DNAH14: variants seen among roughly 807,000 people sequenced by gnomAD.
DNAH14 encodes the protein dynein axonemal heavy chain 14, also known as axonemal beta dynein heavy chain 14.
In DNAH14, 478 loss-of-function variants were observed where a neutral mutation model predicts 520.9. That is an observed-to-expected ratio of 0.92 (90% CI 0.85 to 0.99). The LOEUF (loss-of-function observed/expected upper bound fraction) is 0.99. Among genes scored for constraint, DNAH14 ranks in the 50% least tolerant of loss-of-function variants. DNAH14 has a pLI of 0.00. For synonymous variants in DNAH14, 1,581 were observed against 1,757.2 expected (o/e 0.90, Z 2.51); for missense variants, 4,831 against 5,234.5 (o/e 0.92, Z 2.38).
intron 42 of DNAH14, among the ~76,000 whole-genome samples, chr1:225,238,479 T>TA (rs2149615678): frequency 6.6e-6 from 1 of 152,288 alleles, no homozygotes; most frequent in East Asian, 1.9e-4. Flanking sequence ...GATGGTAGCC[T>TA]ACTCCTTCCT....
chr1:225,242,123 A>G lies in DNAH14; in HGVS notation c.6748+1301A>G, dbSNP rs758593643. On this transcript the variant is annotated intron_variant, in intron 43 of 85. Coordinates refer to ENST00000682510, the MANE Select transcript of DNAH14 (RefSeq NM_001367479.1). Reference sequence around the variant, plus strand: ...GTTGTATGCTCCTGTAGTTTCAGCTACTTGGAAGGCTGAGGTGAGAGGATC... The same window carrying G: ...GTTGTATGCTCCTGTAGTTTCAGCTGCTTGGAAGGCTGAGGTGAGAGGATC... Among the ~76,000 whole-genome samples, 5 of 152,250 alleles carry G rather than the reference A, an allele frequency of 3.3e-5. No homozygotes were observed. In the South Asian group the frequency reaches 1.0e-3, roughly 32 times the overall value.
At chr1:225,203,655 A>G (rs1246031737) in intron 38 of DNAH14, among the ~76,000 whole-genome samples, 1 of 152,220 alleles carries the variant, frequency 6.6e-6, no homozygotes, top group Non-Finnish European at 1.5e-5. Flanking sequence ...TGTAAAAATG[A>G]CATGTATTAG....
intron 53 of DNAH14, among the ~76,000 whole-genome samples, chr1:225,276,575 T>G (rs932755233): frequency 1.3e-5 from 2 of 152,050 alleles, no homozygotes; most frequent in African/African-American, 4.8e-5. Context: ...CTCCTACCAC[T>G]TATCCTACTT....
intron 41 of DNAH14, among the ~76,000 whole-genome samples, chr1:225,211,762 C>G (rs1339243468): frequency 6.6e-6 from 1 of 152,086 alleles, no homozygotes; most frequent in African/African-American, 2.4e-5. Flanking sequence ...GGGTTACCCA[C>G]AAAGGGAAGC....
At chr1:225,007,657 G>T in intron 10 of DNAH14, 113 bp downstream of exon 10, 1 of 889,916 alleles carries the variant, frequency 1.1e-6, no homozygotes, top group Non-Finnish European at 1.5e-6. Context: ...AGGAACAAAG[G>T]TGGTTAATTA....
intron 46 of DNAH14, among the ~76,000 whole-genome samples, chr1:225,263,594 C>T (rs1247927593): frequency 6.6e-6 from 1 of 151,950 alleles, no homozygotes; most frequent in Non-Finnish European, 1.5e-5. Context: ...GTCCAAGCCA[C>T]CATCATCTAT....
intron 8 of DNAH14, among the ~76,000 whole-genome samples, chr1:224,990,011 TGTTG>T (rs796779264): frequency 1.3e-5 from 2 of 151,046 alleles, no homozygotes; most frequent in Admixed American, 6.6e-5. Flanking sequence ...TGGTCTGTGT[TGTTG>T]TTTTTTTTTT....
chr1:225,104,411 G>C (rs538695122), intron 23 of DNAH14, among the ~76,000 whole-genome samples: 75 of 152,276 alleles, frequency 4.9e-4, no homozygotes, highest in African/African-American at 1.7e-3. Context: ...AAATGAGTTA[G>C]GGAGGATTCC....
chr1:225,346,479 T>C lies in DNAH14; in HGVS notation c.11121T>C (p.Asn3707=), dbSNP rs2095287930. ...IFKVVSSALF[N]EDKLCFSFRL... ...AGGTGGTTTCTTCAGCTCTATTTAA[T>C]GAAGATAAACTTTGCTTCTCTTTTC... Residue 3707 remains asparagine, a synonymous_variant, in exon 71 of 86, where the codon AAT becomes AAC. Coordinates refer to ENST00000682510, the MANE Select transcript of DNAH14 (RefSeq NM_001367479.1). The C allele has an allele frequency of 1.3e-6, 2 of 1,550,512 alleles. No individual in the cohort carries two copies. Among genetic ancestry groups the C allele is most frequent in the Non-Finnish European group, 1.7e-6 (2 of 1,146,672 alleles).
chr1:224,997,407 T>C (rs1358745415), intron 8 of DNAH14, among the ~76,000 whole-genome samples: 1 of 152,150 alleles, frequency 6.6e-6, no homozygotes, highest in Admixed American at 6.5e-5. Flanking sequence ...TGAGATAATT[T>C]CTCTTATCCT....
In DNAH14 at chr1:225,231,099, A is replaced by G. The variant is rs2091061583; in HGVS notation, c.6466A>G (p.Lys2156Glu). Residue 2156 changes from lysine to glutamate, a missense_variant, in exon 42 of 86, where the codon AAG (lysine) becomes GAG (glutamate). Coordinates refer to ENST00000682510, the MANE Select transcript of DNAH14 (RefSeq NM_001367479.1). ...TGATGATTTGAATGACACGTCATCT[A>G]AGGAGGCAAATTCCCAAAGAGAGTC... ...QSDDLNDTSSKEANSQRESVT... is the reference protein window; with the variant it reads ...QSDDLNDTSSEEANSQRESVT... The G allele has an allele frequency of 6.5e-7, 1 of 1,548,296 alleles. No homozygotes were observed. Among genetic ancestry groups the G allele is most frequent in the Non-Finnish European group, 8.7e-7 (1 of 1,145,420 alleles).
Position 224,954,870 on chromosome 1 carries a change from G to T in DNAH14, c.78-89G>T. On this transcript the variant is annotated intron_variant, in intron 2 of 85. Coordinates refer to ENST00000682510, the MANE Select transcript of DNAH14 (RefSeq NM_001367479.1). The stretch of plus-strand genomic sequence containing the variant: ...CTAAGAAGCTGTTTTAATTATAAAT[G>T]TGAAATTTTGGTAATATGCTAATAG... 3 of 985,798 alleles carry T rather than the reference G, an allele frequency of 3.0e-6. No homozygotes were observed. The South Asian group carries it at 4.9e-5, about 16-fold the overall frequency. The allele number at this position is 985,798 out of a possible 1,614,324, so 61.1% of individuals were successfully genotyped here. A position where few individuals can be genotyped will look rare whatever the true frequency, so the allele number is the denominator to read the frequency against.
At chr1:225,227,364 T>C (rs1239809888) in intron 41 of DNAH14, among the ~76,000 whole-genome samples, 4 of 152,174 alleles carry the variant, frequency 2.6e-5, no homozygotes, top group African/African-American at 9.7e-5. Context: ...GCATACTGCC[T>C]GCAAACACAA....
At chr1:225,152,172 A>G (rs938857661) in intron 32 of DNAH14, 99 bp downstream of exon 32, 15 of 1,036,966 alleles carry the variant, frequency 1.4e-5, no homozygotes, top group Middle Eastern at 3.2e-4. Context: ...ATCTATCCAT[A>G]TATCTGTCTC....
rs1553337811 is a variant in DNAH14, at chr1:225,336,046, C to CATATATGT, written c.10081-1214_10081-1213insGTATATAT. 6.1e-4 allele frequency among the ~76,000 whole-genome samples: 86 copies of CATATATGT among 141,586 alleles called. 1 individual carries two copies. The highest frequency in any genetic ancestry group is 1.9e-3 in the African/African-American group (75 of 38,682). The allele number at this position is 141,586 out of a possible 152,430, so 92.9% of individuals were successfully genotyped here. On this transcript the variant is annotated intron_variant, in intron 66 of 85. Coordinates refer to ENST00000682510, the MANE Select transcript of DNAH14 (RefSeq NM_001367479.1). ...ATATATGTATATACACACATATATG[C>CATATATGT]ATATATACATATATGTATACATACA...
intron 12 of DNAH14, among the ~76,000 whole-genome samples, chr1:225,039,286 T>C (rs1400012149): frequency 6.6e-6 from 1 of 152,198 alleles, no homozygotes; most frequent in Non-Finnish European, 1.5e-5. Context: ...CTCCTCCCAC[T>C]GCTACACTAC....
Position 225,334,908 on chromosome 1 carries a change from G to GTGGGTGTGTA in DNAH14, c.10080+1403_10080+1404insGGGTGTGTAT, listed in dbSNP as rs58202867. Among the ~76,000 whole-genome samples the GTGGGTGTGTA allele has an allele frequency of 2.0e-4, 30 of 146,464 alleles. 2 individuals are homozygous for GTGGGTGTGTA. In the East Asian group the frequency reaches 6.2e-3, roughly 30 times the overall value. Reference sequence around the variant, plus strand: ...TATGTGTGTGTGTGTGTGTGTGTGTGTATATGTATATGTATAGCATATATC... The same window carrying GTGGGTGTGTA: ...TATGTGTGTGTGTGTGTGTGTGTGTGTGGGTGTGTATATATGTATATGTATAGCATATATC... On this transcript the variant is annotated intron_variant, in intron 66 of 85. Transcript: ENST00000682510.
At chr1:225,182,647 A>G (rs2149300157) in intron 36 of DNAH14, among the ~76,000 whole-genome samples, 1 of 152,272 alleles carries the variant, frequency 6.6e-6, no homozygotes, top group South Asian at 2.1e-4. Flanking sequence ...GCCCAGGGAA[A>G]GATTCTGTCC....
chr1:224,981,169 G>A (rs2125695644), intron 8 of DNAH14, among the ~76,000 whole-genome samples: 1 of 152,286 alleles, frequency 6.6e-6, no homozygotes, highest in Middle Eastern at 3.4e-3. Flanking sequence ...TGTTTGATAT[G>A]TTGTTGGATT....
Sources: allele counts gnomAD v4.1 joint callset (sites outside exome capture counted in the v4.1 genomes callset), GRCh38; gene constraint gnomAD v4.1.1; transcripts MANE v1.5; gene names NCBI Gene and HGNC (gene_info 2026-07-23, HGNC 2026-07-21).